Variants in RUNDC3B observed in about 807,000 individuals in gnomAD.
RUNDC3B encodes the protein RUN domain-containing protein 3B.
Under a neutral mutation model 58.4 loss-of-function variants are expected in RUNDC3B, and 33 were observed. The ratio of observed to expected loss-of-function variants is 0.56; its 90% CI spans 0.43 to 0.75. The LOEUF (loss-of-function observed/expected upper bound fraction) is 0.75, where lower values mean the gene tolerates loss of function less well. RUNDC3B is among the 30% of genes least tolerant of loss of function. The pLI is 0.00. For synonymous variants in RUNDC3B, 193 were observed against 195.2 expected, an observed-to-expected ratio of 0.99 and a Z score of 0.10; for missense variants, 501 against 535.7, an observed-to-expected ratio of 0.94 and a Z score of 0.64.
chr7:87,718,011 T>C (rs1225584948), intron 4 of RUNDC3B, among the ~76,000 whole-genome samples: 1 of 152,152 alleles, frequency 6.6e-6, no homozygotes, highest in Non-Finnish European at 1.5e-5. Context: ...TCTGGGAATA[T>C]GATATTGATA....
chr7:87,727,289 G>A (rs1252102395), intron 4 of RUNDC3B, among the ~76,000 whole-genome samples: 1 of 151,960 alleles, frequency 6.6e-6, no homozygotes, highest in Non-Finnish European at 1.5e-5. Flanking sequence ...ATGCAAGGCT[G>A]GTTCAACATA....
At chr7:87,774,131 C>T (rs900245947) in intron 7 of RUNDC3B, among the ~76,000 whole-genome samples, 1 of 151,948 alleles carries the variant, frequency 6.6e-6, no homozygotes, top group Non-Finnish European at 1.5e-5. Flanking sequence ...AGTTTAGCAC[C>T]ACCCACATGC....
chr7:87,828,727 T>C (rs944918489), intron 10 of RUNDC3B, among the ~76,000 whole-genome samples: 2 of 152,210 alleles, frequency 1.3e-5, no homozygotes, highest in Non-Finnish European at 2.9e-5. Context: ...TATTTTCTTC[T>C]GGATATATAC....
intron 4 of RUNDC3B, among the ~76,000 whole-genome samples, chr7:87,726,607 AGTT>A (rs1461768272): frequency 6.6e-6 from 1 of 152,132 alleles, no homozygotes; most frequent in Admixed American, 6.6e-5. Flanking sequence ...ACTTTAAAGT[AGTT>A]TTTTCCAATT....
At chr7:87,689,233 A>G (rs1177788226) in intron 2 of RUNDC3B, among the ~76,000 whole-genome samples, 1 of 152,076 alleles carries the variant, frequency 6.6e-6, no homozygotes, top group Non-Finnish European at 1.5e-5. Flanking sequence ...TTAGTCTACA[A>G]TTAATCCAAT....
Position 87,676,395 on chromosome 7 carries a change from A to G in RUNDC3B, c.239-24026A>G, listed in dbSNP as rs79659332. ...TCAGTAGAAAACAACAACAACAACA[A>G]CAACATTAAAAAATGGGCAAAGAGG... On this transcript the variant is annotated intron_variant, in intron 2 of 10. Coordinates refer to ENST00000394654, the MANE Select transcript of RUNDC3B (RefSeq NM_001134405.2). 7.9e-5 allele frequency among the ~76,000 whole-genome samples: 12 copies of G among 152,212 alleles called. No homozygotes were observed. In the East Asian group the frequency reaches 2.1e-3, roughly 27 times the overall value.
At chr7:87,795,198 A>C in intron 8 of RUNDC3B, among the ~76,000 whole-genome samples, 1 of 152,250 alleles carries the variant, frequency 6.6e-6, no homozygotes, top group East Asian at 1.9e-4. Context: ...ACAACCCCAC[A>C]TAGTGGGAGA....
chr7:87,674,885 G>C (rs1369088191), intron 2 of RUNDC3B, among the ~76,000 whole-genome samples: 1 of 152,124 alleles, frequency 6.6e-6, no homozygotes, highest in African/African-American at 2.4e-5. Flanking sequence ...AAGGCTAAAG[G>C]CTCCCACAGG....
At chr7:87,819,064 C>T (rs1008345465) in intron 10 of RUNDC3B, among the ~76,000 whole-genome samples, 5 of 152,284 alleles carry the variant, frequency 3.3e-5, no homozygotes, top group African/African-American at 1.2e-4. Flanking sequence ...TACACAGACA[C>T]ACAGATATTC....
chr7:87,702,698 A>G (rs1829203258), intron 3 of RUNDC3B, among the ~76,000 whole-genome samples: 1 of 152,198 alleles, frequency 6.6e-6, no homozygotes, highest in Admixed American at 6.5e-5. Context: ...TAGGATTATA[A>G]AATGTCTGAA....
At chr7:87,819,089 A>T (rs1450927132) in intron 10 of RUNDC3B, among the ~76,000 whole-genome samples, 2 of 152,198 alleles carry the variant, frequency 1.3e-5, no homozygotes, top group African/African-American at 4.8e-5. Context: ...ATGCCAGTCC[A>T]GCTGAAGGTC....
chr7:87,809,115 G>T (rs901361158), intron 9 of RUNDC3B, among the ~76,000 whole-genome samples: 6 of 152,154 alleles, frequency 3.9e-5, no homozygotes, highest in Non-Finnish European at 7.4e-5. Flanking sequence ...TGCAATAATG[G>T]CTGATTTTTA....
chr7:87,747,347 G>A (rs760370370), intron 6 of RUNDC3B, among the ~76,000 whole-genome samples: 5 of 152,182 alleles, frequency 3.3e-5, no homozygotes, highest in East Asian at 1.9e-4. Context: ...TCTCTCAGCC[G>A]TGGATACCAG....
intron 8 of RUNDC3B, among the ~76,000 whole-genome samples, chr7:87,795,530 G>A (rs1835768845): frequency 6.6e-6 from 1 of 152,090 alleles, no homozygotes; most frequent in African/African-American, 2.4e-5. Flanking sequence ...ACTGTTGGTG[G>A]GAATGTAAAT....
intron 4 of RUNDC3B, among the ~76,000 whole-genome samples, chr7:87,725,415 T>G (rs879653656): frequency 6.6e-5 from 10 of 152,360 alleles, no homozygotes; most frequent in Middle Eastern, 3.4e-3. Context: ...ACAAAGGACA[T>G]GAACTCATCC....
intron 6 of RUNDC3B, among the ~76,000 whole-genome samples, chr7:87,756,690 ACTT>A (rs1291468215): frequency 1.3e-5 from 2 of 152,162 alleles, no homozygotes; most frequent in African/African-American, 4.8e-5. Context: ...TTTAAGATAT[ACTT>A]CTTTGTTTTA....
intron 2 of RUNDC3B, among the ~76,000 whole-genome samples, chr7:87,676,493 G>T (rs1826369192): frequency 6.6e-6 from 1 of 151,924 alleles, no homozygotes; most frequent in Non-Finnish European, 1.5e-5. Context: ...TTGAGGTCAG[G>T]AGTTCAAGAC....
chr7:87,703,504 A>T (rs1309249044), intron 3 of RUNDC3B, among the ~76,000 whole-genome samples: 1 of 152,160 alleles, frequency 6.6e-6, no homozygotes, highest in Admixed American at 6.5e-5. Context: ...TCACTTGTTA[A>T]AGCCACTGCT....
At chr7:87,806,801 C>G (rs1836459138) in intron 8 of RUNDC3B, among the ~76,000 whole-genome samples, 1 of 152,054 alleles carries the variant, frequency 6.6e-6, no homozygotes. Context: ...TCAGTAGTCA[C>G]TTCCATCAAA....
Sources: gnomAD v4.1 joint callset for allele counts (sites outside exome capture counted in the v4.1 genomes callset) on GRCh38, gnomAD v4.1.1 for gene constraint, MANE v1.5 for transcripts, NCBI Gene and HGNC (gene_info 2026-07-23, HGNC 2026-07-21) for gene names.